Variants in CSMD1 observed in about 807,000 individuals in gnomAD.
CSMD1 encodes CUB and sushi domain-containing protein 1.
A neutral mutation model predicts 417.5 loss-of-function variants in CSMD1; 213 were observed. That is an observed-to-expected ratio of 0.51 (90% CI 0.46 to 0.57). The LOEUF (loss-of-function observed/expected upper bound fraction) is 0.57. Among genes scored for constraint, CSMD1 ranks in the 20% least tolerant of loss-of-function variants. The probability of loss-of-function intolerance (pLI) is 0.00; values close to 1 mark genes in which losing one functional copy is unlikely to be tolerated. For missense variants in CSMD1, 6,923 were observed against 4,529.7 expected (o/e 1.53, Z -15.17); for synonymous variants, 2,862 against 1,736.8 (o/e 1.65, Z -16.11).
At chr8:3,438,363 GAAC>G (rs1207546090) in intron 12 of CSMD1, among the ~76,000 whole-genome samples, 4 of 152,134 alleles carry the variant, frequency 2.6e-5, no homozygotes, top group Admixed American at 6.5e-5. Context: ...GTGAGATACA[GAAC>G]ATGTCCAGCA....
intron 3 of CSMD1, among the ~76,000 whole-genome samples, chr8:4,059,574 G>A (rs1319878823): frequency 6.6e-6 from 1 of 151,602 alleles, no homozygotes; most frequent in Non-Finnish European, 1.5e-5. Context: ...AAAGAGAGAA[G>A]AATCAAATAG....
At chr8:4,509,842 G>T (rs1232004961) in intron 2 of CSMD1, among the ~76,000 whole-genome samples, 1 of 152,162 alleles carries the variant, frequency 6.6e-6, no homozygotes, top group East Asian at 1.9e-4. Context: ...ATTGCCCCAA[G>T]ATTCACAGCT....
At chr8:4,180,473 T>C (rs956828826) in intron 3 of CSMD1, among the ~76,000 whole-genome samples, 2 of 150,750 alleles carry the variant, frequency 1.3e-5, no homozygotes, top group African/African-American at 2.4e-5. Context: ...ATATGCCTAA[T>C]GCTAAATGAC....
At chr8:3,458,980 A>T (rs1427173385) in intron 12 of CSMD1, among the ~76,000 whole-genome samples, 2 of 152,208 alleles carry the variant, frequency 1.3e-5, no homozygotes, top group African/African-American at 4.8e-5. Context: ...GCAGCTCTCA[A>T]GCTGGGCCTT....
intron 37 of CSMD1, among the ~76,000 whole-genome samples, chr8:3,178,070 T>C (rs921719669): frequency 1.3e-5 from 2 of 152,210 alleles, no homozygotes; most frequent in African/African-American, 4.8e-5. Context: ...TCTGTAAGAT[T>C]ACAAAGAATC....
intron 27 of CSMD1, among the ~76,000 whole-genome samples, chr8:3,228,658 C>G (rs1034229229): frequency 6.6e-6 from 1 of 151,886 alleles, no homozygotes; most frequent in Non-Finnish European, 1.5e-5. Context: ...TAGGAGATGG[C>G]CAACTTTTAT....
intron 5 of CSMD1, among the ~76,000 whole-genome samples, chr8:3,996,155 T>C (rs1456594637): frequency 3.3e-5 from 5 of 151,528 alleles, no homozygotes; most frequent in South Asian, 4.2e-4. Context: ...TCATAGGTTC[T>C]AGAATCACTA....
intron 3 of CSMD1, among the ~76,000 whole-genome samples, chr8:4,409,442 T>C (rs1039252713): frequency 1.3e-5 from 2 of 152,066 alleles, no homozygotes; most frequent in Non-Finnish European, 2.9e-5. Flanking sequence ...TAAAAACAAA[T>C]CAACAACAAA....
chr8:4,216,199 G>A (rs771922048), intron 3 of CSMD1, among the ~76,000 whole-genome samples: 36 of 152,166 alleles, frequency 2.4e-4, no homozygotes, highest in East Asian at 1.4e-3. Context: ...TCAACATTGC[G>A]ATGGCCTTCT....
chr8:2,948,581 A>C (rs763064028), intron 68 of CSMD1, among the ~76,000 whole-genome samples: 1 of 152,174 alleles, frequency 6.6e-6, no homozygotes, highest in Non-Finnish European at 1.5e-5. Flanking sequence ...TTTCATAGGT[A>C]GTATAATTTG....
At chr8:4,153,461 G>C (rs1320507243) in intron 3 of CSMD1, among the ~76,000 whole-genome samples, 3 of 152,194 alleles carry the variant, frequency 2.0e-5, no homozygotes, top group South Asian at 2.1e-4. Context: ...CAGTGGATAA[G>C]GTTCTGCAGC....
At chr8:3,460,193 T>G (rs1163008029) in intron 12 of CSMD1, among the ~76,000 whole-genome samples, 2 of 152,078 alleles carry the variant, frequency 1.3e-5, no homozygotes, top group Non-Finnish European at 2.9e-5. Context: ...TTGGGGAAAG[T>G]AAACTCTGAG....
intron 1 of CSMD1, among the ~76,000 whole-genome samples, chr8:4,809,244 G>GA (rs1213318925): frequency 5.3e-5 from 8 of 152,018 alleles, no homozygotes; most frequent in Admixed American, 4.6e-4. Flanking sequence ...TATGAATTAG[G>GA]AAAAAATACT....
intron 1 of CSMD1, among the ~76,000 whole-genome samples, chr8:4,929,771 G>A (rs1484825396): frequency 6.6e-6 from 1 of 152,154 alleles, no homozygotes; most frequent in African/African-American, 2.4e-5. Flanking sequence ...ATAAGCCACA[G>A]GAGATGATGG....
intron 37 of CSMD1, among the ~76,000 whole-genome samples, chr8:3,162,675 T>C (rs550817525): frequency 6.0e-5 from 9 of 150,918 alleles, no homozygotes; most frequent in East Asian, 3.9e-4. Context: ...GCAGTCTTTA[T>C]ATAAAAAAAT....
At chr8:3,050,141 T>C (rs7818796) in intron 50 of CSMD1, among the ~76,000 whole-genome samples, 38,922 of 150,550 alleles carry the variant, frequency 0.26, 5,761 homozygotes, top group East Asian at 0.36. Context: ...GGTCTCCACC[T>C]AAGACCAGTT....
At chr8:4,025,480 G>A (rs1387869573) in intron 4 of CSMD1, among the ~76,000 whole-genome samples, 2 of 152,146 alleles carry the variant, frequency 1.3e-5, no homozygotes, top group African/African-American at 2.4e-5. Context: ...AATTAAGAAG[G>A]CATTTAAATC....
At chr8:4,269,934 A>C (rs1045816701) in intron 3 of CSMD1, among the ~76,000 whole-genome samples, 1 of 152,182 alleles carries the variant, frequency 6.6e-6, no homozygotes, top group Non-Finnish European at 1.5e-5. Flanking sequence ...CGTTCAAGCC[A>C]ACAGTTGGGG....
intron 5 of CSMD1, among the ~76,000 whole-genome samples, chr8:3,771,660 A>G (rs958738757): frequency 1.3e-5 from 2 of 152,168 alleles, no homozygotes; most frequent in East Asian, 3.9e-4. Context: ...CCAGGAAGCA[A>G]AACACAGGAG....
Sources: allele counts gnomAD v4.1 joint callset (sites outside exome capture counted in the v4.1 genomes callset), GRCh38; gene constraint gnomAD v4.1.1; transcripts MANE v1.5; gene names NCBI Gene and HGNC (gene_info 2026-07-23, HGNC 2026-07-21).